The following MUC12 variants were observed in gnomAD, a reference collection of about 807,000 sequenced individuals.
The protein encoded by MUC12 is mucin-12.
Under a neutral mutation model 230.8 loss-of-function variants are expected in MUC12, and 172 were observed. The ratio of observed to expected loss-of-function variants is 0.75; its 90% confidence interval spans 0.66 to 0.85. The LOEUF is 0.85. Ranked by LOEUF, MUC12 falls within the 40% of genes least tolerant of loss-of-function variation. The pLI is 0.00. For missense variants in MUC12, 3,506 were observed against 5,920.6 expected, an observed-to-expected ratio of 0.59 and a Z score of 13.38; for synonymous variants, 1,259 against 2,401.9, an observed-to-expected ratio of 0.52 and a Z score of 13.91.
intron 10 of MUC12, 22 bp downstream of exon 10, chr7:101,015,713 G>A: frequency 6.5e-7 from 1 of 1,531,094 alleles, no homozygotes; most frequent in Non-Finnish European, 8.8e-7. Context: ...TAAGGGCAAG[G>A]AGATGAGCAG....
intron 3 of MUC12, 139 bp from the exon 4 acceptor site, chr7:101,008,495 G>C (rs1477789465): frequency 8.3e-7 from 1 of 1,202,992 alleles, no homozygotes; most frequent in African/African-American, 1.5e-5. Context: ...TCAGGGTTTT[G>C]GGAGACAGGG....
chr7:100,973,133 G>A, intron 1 of MUC12: 1 of 658,658 alleles, frequency 1.5e-6, no homozygotes, highest in Non-Finnish European at 2.8e-6. Context: ...GGCTGGGGAT[G>A]CCTCTGTAGG....
chr7:100,973,707 C>T (rs967782673), intron 1 of MUC12, among the ~76,000 whole-genome samples: 1 of 152,184 alleles, frequency 6.6e-6, no homozygotes, highest in Non-Finnish European at 1.5e-5. Flanking sequence ...GCAACCCAGT[C>T]AATGGTATTT....
chr7:101,005,520 G>T lies in MUC12; in HGVS notation c.14956+1G>T, dbSNP rs1208961068. 2.6e-6 allele frequency: 4 copies of T among 1,532,654 alleles called. No individual in the cohort carries two copies. The Admixed American group carries it at 7.9e-5, about 30-fold the overall frequency. 94.9% of individuals were successfully genotyped at this position (1,532,654 alleles called of 1,614,324 possible). The stretch of plus-strand genomic sequence containing the variant: ...GAAAGCCTGGAAACCTTAGCACCAG[G>T]TACTGCTCTTTCCATTTCATCCACG... On this transcript the variant is annotated splice_donor_variant, in intron 2 of 11. Coordinates refer to ENST00000536621, the MANE Select transcript of MUC12 (RefSeq NM_001164462.2). LOFTEE classifies it high-confidence loss of function.
chr7:101,006,321 G>T, intron 2 of MUC12, 150 bp from the exon 3 acceptor site: 1 of 613,626 alleles, frequency 1.6e-6, no homozygotes, highest in Non-Finnish European at 3.0e-6. Context: ...GGGGGCAGAG[G>T]TGGCAGCAGA....
At chr7:101,013,481 C>T (rs901572881) in intron 8 of MUC12, among the ~76,000 whole-genome samples, 1 of 152,150 alleles carries the variant, frequency 6.6e-6, no homozygotes, top group Admixed American at 6.6e-5. Flanking sequence ...CTATATCTGT[C>T]TATATTGTTA....
In MUC12 at chr7:100,990,889, C is replaced by A. The variant is rs923305839; in HGVS notation, c.326C>A (p.Pro109His). 2.0e-6 allele frequency: 3 copies of A among 1,537,718 alleles called. No homozygotes were observed. Among genetic ancestry groups the A allele is most frequent in the East Asian group, 2.4e-5 (1 of 40,930 alleles). Residue 109 changes from proline to histidine, a missense_variant, in exon 2 of 12, where the codon CCT becomes CAT. Pro to His is a moderately conservative substitution (Grantham distance 77). Transcript: ENST00000536621. ...GCAACCTCAGTTTTTGTTGGAGAAC[C>A]TAAAACCTCACCCATCACTTCAGCC... Reference protein sequence around the residue: ...HSATSVFVGEPKTSPITSASM... With the variant: ...HSATSVFVGEHKTSPITSASM...
At chr7:100,980,334 G>A (rs1563086116) in intron 1 of MUC12, among the ~76,000 whole-genome samples, 1 of 152,170 alleles carries the variant, frequency 6.6e-6, no homozygotes, top group Non-Finnish European at 1.5e-5. Flanking sequence ...GAGCCACCAT[G>A]CCCAGCCTGA....
At chr7:100,973,913 G>T (rs1260448896) in intron 1 of MUC12, among the ~76,000 whole-genome samples, 4 of 152,066 alleles carry the variant, frequency 2.6e-5, no homozygotes, top group Non-Finnish European at 4.4e-5. Context: ...AGCACCTTGG[G>T]AGGCCAAGGC....
intron 1 of MUC12, among the ~76,000 whole-genome samples, chr7:100,984,552 C>G (rs149111925): frequency 6.6e-6 from 1 of 152,070 alleles, no homozygotes. Flanking sequence ...CCACCATGCC[C>G]GACCACTTTT....
chr7:100,977,273 T>TA (rs1793046933), intron 1 of MUC12, among the ~76,000 whole-genome samples: 1 of 152,100 alleles, frequency 6.6e-6, no homozygotes, highest in East Asian at 1.9e-4. Context: ...TTTATTCTCT[T>TA]ACAGTTGTGG....
chr7:101,004,590 C>T lies in MUC12; in HGVS notation c.14027C>T (p.Thr4676Ile), dbSNP rs1257331316. The T allele has an allele frequency of 8.5e-6, 13 of 1,536,958 alleles. No individual in the cohort carries two copies. Among genetic ancestry groups the T allele is most frequent in the Non-Finnish European group, 1.1e-5 (13 of 1,146,260 alleles). ...ACACACTTTCCTGAGAGCTCCACAACCTCCGGCCGTAGTGAGGAATCAACA... is the reference window on the plus strand; with the variant it reads ...ACACACTTTCCTGAGAGCTCCACAATCTCCGGCCGTAGTGAGGAATCAACA... ...ATTHFPESST[T>I]SGRSEESTAS... Residue 4676 changes from threonine (T) to isoleucine (I), a missense_variant, in exon 2 of 12, where the codon ACC becomes ATC. Coordinates refer to ENST00000536621, the MANE Select transcript of MUC12 (RefSeq NM_001164462.2).
At chr7:101,006,406 TG>T in intron 2 of MUC12, 64 bp from the exon 3 acceptor site, 1 of 1,048,384 alleles carries the variant, frequency 9.5e-7, no homozygotes, top group Middle Eastern at 2.0e-4. Context: ...GGACCTGGAA[TG>T]GGAGTGCGTG....
Position 100,990,810 on chromosome 7 carries a change from G to C in MUC12, c.247G>C (p.Val83Leu). 1 of 1,537,742 alleles carries C rather than the reference G, an allele frequency of 6.5e-7. No homozygotes were observed. ...TNSGHSEESTVSHSGPGATGT... is the reference protein window; with the variant it reads ...TNSGHSEESTLSHSGPGATGT... ...CTCAGGCCACAGTGAGGAATCAACA[G>C]TATCCCACAGCGGCCCAGGTGCAAC... Residue 83 changes from valine to leucine, a missense_variant, in exon 2 of 12, where the codon GTA (valine) becomes CTA (leucine). Val to Leu is a conservative substitution (Grantham distance 32). Coordinates refer to ENST00000536621, the MANE Select transcript of MUC12 (RefSeq NM_001164462.2).
At chr7:100,981,214 C>T (rs1477653997) in intron 1 of MUC12, among the ~76,000 whole-genome samples, 2 of 152,142 alleles carry the variant, frequency 1.3e-5, no homozygotes, top group Admixed American at 6.5e-5. Context: ...TGCCTAGCTT[C>T]CTTGTGGAGC....
At position 100,971,532 on chromosome 7, in the gene MUC12, G is replaced by A. The variant is rs372735683; in HGVS notation, c.67+1843G>A. 5.6e-4 allele frequency among the ~76,000 whole-genome samples: 86 copies of A among 152,314 alleles called. No homozygotes were observed. The East Asian group carries it at 7.2e-3, about 13-fold the overall frequency. ...AGGCCCTCCGAGGCTGCCTCTGCCC[G>A]CCAAGCCTTGACAGATGAGACCTCC... is the stretch of plus-strand genomic sequence containing the variant. On this transcript the variant is annotated intron_variant, in intron 1 of 11. Transcript: ENST00000536621.
intron 1 of MUC12, among the ~76,000 whole-genome samples, chr7:100,985,097 C>T (rs1020287408): frequency 6.6e-6 from 1 of 152,066 alleles, no homozygotes; most frequent in African/African-American, 2.4e-5. Context: ...AAACTCCTGA[C>T]CTTAGGTGAT....
chr7:100,999,128 C>T lies in MUC12; in HGVS notation c.8565C>T (p.Thr2855=), dbSNP rs1288883871. ...CACCAAGCCTCAGTGAGAAATCAAC[C>T]ACCTTCTACACTAGCCCCAGATCAC... ...PTTPSLSEKS[T]TFYTSPRSPD... is the part of the protein sequence containing the mutation. Residue 2855 remains threonine (T), a synonymous_variant, in exon 2 of 12, where the codon ACC becomes ACT. Coordinates refer to ENST00000536621, the MANE Select transcript of MUC12 (RefSeq NM_001164462.2). The T allele has an allele frequency of 7.0e-7, 1 of 1,426,160 alleles. No individual in the cohort carries two copies. Among genetic ancestry groups the T allele is most frequent in the African/African-American group, 1.5e-5 (1 of 68,716 alleles). The allele number at this position is 1,426,160 out of a possible 1,614,324, so 88.3% of individuals were successfully genotyped here.
intron 1 of MUC12, among the ~76,000 whole-genome samples, chr7:100,977,527 G>A (rs1016071721): frequency 2.6e-5 from 4 of 151,896 alleles, no homozygotes; most frequent in South Asian, 2.1e-4. Context: ...CACCACGCCC[G>A]GCTAAGTTTT....
Sources: gnomAD v4.1 joint callset for allele counts (sites outside exome capture counted in the v4.1 genomes callset) on GRCh38, gnomAD v4.1.1 for gene constraint, MANE v1.5 for transcripts, NCBI Gene and HGNC (gene_info 2026-07-23, HGNC 2026-07-21) for gene names.